Variants in EFHB observed in about 807,000 individuals in gnomAD.
EFHB encodes EF-hand domain-containing family member B.
A neutral mutation model predicts 87.2 loss-of-function variants in EFHB; 91 were observed. That is an observed-to-expected ratio of 1.04 (90% CI 0.88 to 1.24). EFHB has a LOEUF of 1.24. EFHB is among the 50% of genes most tolerant of loss of function. The pLI is 0.00. For missense variants in EFHB, 1,084 were observed against 998.8 expected, an observed-to-expected ratio of 1.09 and a Z score of -1.15; for synonymous variants, 325 against 333.6, an observed-to-expected ratio of 0.97 and a Z score of 0.28.
At chr3:19,927,461 A>G (rs915060314) in intron 1 of EFHB, among the ~76,000 whole-genome samples, 1 of 152,204 alleles carries the variant, frequency 6.6e-6, no homozygotes, top group African/African-American at 2.4e-5. Flanking sequence ...CTGTTTTACT[A>G]GAAGAACTTG....
At chr3:19,908,595 AG>A (rs1575019707) in intron 5 of EFHB, among the ~76,000 whole-genome samples, 2,349 of 102,052 alleles carry the variant, frequency 0.023, 22 homozygotes, top group East Asian at 0.033. Flanking sequence ...AGAGAGAGAG[AG>A]AGAGAAAGAA....
At chr3:19,912,524 G>T (rs1196945779) in intron 5 of EFHB, among the ~76,000 whole-genome samples, 1 of 152,154 alleles carries the variant, frequency 6.6e-6, no homozygotes, top group South Asian at 2.1e-4. Context: ...ACCTGAAGGT[G>T]CAAAACTCAC....
Position 19,919,897 on chromosome 3 carries a change from C to T in EFHB, c.932G>A (p.Arg311Lys), listed in dbSNP as rs200170380. The change falls in exon 3 of 13, where the codon AGA (arginine) becomes AAA (lysine). Residue 311 changes from arginine (R) to lysine (K), a missense_variant. Arg to Lys is a conservative substitution (Grantham distance 26). Transcript: ENST00000295824. ...AGGTGCAATCTGGGGATCATTTGCT[C>T]TTCCGTAAAATACTCTTTCTACTCC... ...PAGVERVFYG[R>K]ANDPQIAPYL... 1.1e-5 allele frequency: 17 copies of T among 1,613,752 alleles called. No homozygotes were observed. In the African/African-American group the frequency reaches 2.3e-4, roughly 22 times the overall value.
intron 9 of EFHB, among the ~76,000 whole-genome samples, chr3:19,890,164 G>T (rs755157021): frequency 1.3e-5 from 2 of 152,130 alleles, no homozygotes; most frequent in Non-Finnish European, 2.9e-5. Flanking sequence ...AACACTGGTG[G>T]TTTGTTTCAT....
At chr3:19,884,707 C>T (rs765299061) in intron 10 of EFHB, 92 bp from the exon 11 acceptor site, 7 of 1,242,900 alleles carry the variant, frequency 5.6e-6, no homozygotes, top group Non-Finnish European at 6.7e-6. Flanking sequence ...CCCATCTAGT[C>T]TCTTCTTGCT....
chr3:19,946,853 GC>G (rs1467453226), intron 1 of EFHB: 2 of 152,294 alleles, frequency 1.3e-5, no homozygotes, highest in African/African-American at 4.8e-5. Flanking sequence ...GACCCCGGCC[GC>G]CAGGAGCCCA....
At chr3:19,928,974 TA>T (rs578065926) in intron 1 of EFHB, among the ~76,000 whole-genome samples, 9 of 150,968 alleles carry the variant, frequency 6.0e-5, no homozygotes, top group South Asian at 4.2e-4. Context: ...ACACAAGGAT[TA>T]AAAAAAAATA....
intron 1 of EFHB, chr3:19,941,204 G>A (rs539861420): frequency 1.8e-4 from 62 of 346,304 alleles, no homozygotes; most frequent in Non-Finnish European, 2.9e-4. Context: ...GACTTGTCTA[G>A]TTTGGTGTCT....
intron 9 of EFHB, among the ~76,000 whole-genome samples, chr3:19,893,347 C>T (rs2125125423): frequency 6.6e-6 from 1 of 152,204 alleles, no homozygotes; most frequent in East Asian, 1.9e-4. Context: ...CTCTTTTATG[C>T]CTGACCTTTC....
At chr3:19,930,885 C>G (rs1159624515) in intron 1 of EFHB, among the ~76,000 whole-genome samples, 1 of 152,178 alleles carries the variant, frequency 6.6e-6, no homozygotes, top group Non-Finnish European at 1.5e-5. Flanking sequence ...GTAATCCCAG[C>G]ACTTTGGGAG....
At chr3:19,880,338 C>T (rs1262297983) in intron 12 of EFHB, among the ~76,000 whole-genome samples, 1 of 151,894 alleles carries the variant, frequency 6.6e-6, no homozygotes. Context: ...CAGCCTCTGC[C>T]TCCTGGGTAC....
rs1694194958 is a variant in EFHB at position 19,888,660 on chromosome 3, C to T, written c.1726-9G>A. The T allele has an allele frequency of 6.3e-7, 1 of 1,595,444 alleles. No individual in the cohort carries two copies. Among genetic ancestry groups the T allele is most frequent in the Non-Finnish European group, 8.6e-7 (1 of 1,169,326 alleles). On this transcript the variant is annotated splice_polypyrimidine_tract_variant and intron_variant, in intron 9 of 12. Transcript: ENST00000295824. ...ATCATCCCATCTCCCTTCTGTTATA[C>T]AGGAAGCAAAAGAACATAAAATGGG...
At chr3:19,908,596 GAGAGAAAGAAAGAAAGAAAGAA>G (rs1339046092) in intron 5 of EFHB, among the ~76,000 whole-genome samples, 2 of 97,100 alleles carry the variant, frequency 2.1e-5, no homozygotes, top group African/African-American at 8.5e-5. Flanking sequence ...GAGAGAGAGA[GAGAGAAAGAAAGAAAGAAAGAA>G]AGAAAGAAAG....
chr3:19,946,466 AT>A (rs1304442693), intron 1 of EFHB, among the ~76,000 whole-genome samples: 2 of 152,266 alleles, frequency 1.3e-5, no homozygotes, highest in Non-Finnish European at 2.9e-5. Flanking sequence ...GCGAAGGGAA[AT>A]TCTGAATAAA....
chr3:19,935,823 A>C (rs2125169858), upstream of EFHB, among the ~76,000 whole-genome samples: 1 of 152,158 alleles, frequency 6.6e-6, no homozygotes, highest in African/African-American at 2.4e-5. Context: ...CATCCTGGCC[A>C]ACATGGTGAA....
At chr3:19,939,016 C>T (rs2125171168), upstream of EFHB, among the ~76,000 whole-genome samples, 1 of 152,238 alleles carries the variant, frequency 6.6e-6, no homozygotes, top group South Asian at 2.1e-4. Flanking sequence ...AAGCGATTCT[C>T]CTGCCTCAGC....
chr3:19,882,812 C>A, intron 11 of EFHB, 81 bp from the exon 12 acceptor site: 1 of 1,253,984 alleles, frequency 8.0e-7, no homozygotes, highest in South Asian at 2.4e-5. Flanking sequence ...CATGTGCATA[C>A]TGAGCACTTA....
intron 9 of EFHB, among the ~76,000 whole-genome samples, chr3:19,894,279 C>T (rs1694400438): frequency 6.6e-6 from 1 of 152,098 alleles, no homozygotes; most frequent in African/African-American, 2.4e-5. Context: ...TTCTAGCTAC[C>T]ATTGTGATGT....
At chr3:19,939,162 C>A (rs950816286), upstream of EFHB, among the ~76,000 whole-genome samples, 1 of 138,142 alleles carries the variant, frequency 7.2e-6, no homozygotes, top group African/African-American at 2.7e-5. Flanking sequence ...CTGCCTTGGC[C>A]TCCCAAAGTG....
Sources: allele counts gnomAD v4.1 joint callset (sites outside exome capture counted in the v4.1 genomes callset), GRCh38; gene constraint gnomAD v4.1.1; transcripts MANE v1.5; gene names NCBI Gene and HGNC (gene_info 2026-07-23, HGNC 2026-07-21).